Variants in LYPD1 observed in about 807,000 individuals in gnomAD.
LYPD1 encodes LY6/PLAUR domain containing 1.
A neutral mutation model predicts 14.2 loss-of-function variants in LYPD1; 14 were observed. The ratio of observed to expected loss-of-function variants is 0.99; its 90% CI spans 0.65 to 1.54. LYPD1 has a LOEUF of 1.54. Among genes scored for constraint, LYPD1 ranks in the 40% most tolerant of loss-of-function variants. The probability of loss-of-function intolerance (pLI) is 0.00; values close to 1 mark genes in which losing one functional copy is unlikely to be tolerated. For synonymous variants in LYPD1, 85 were observed against 70.6 expected (o/e 1.20, Z -1.02); for missense variants, 165 against 175.7 (o/e 0.94, Z 0.34).
Position 132,645,665 on chromosome 2 carries a change from T to A in LYPD1, c.*380A>T, listed in dbSNP as rs1573719791. The A allele has an allele frequency of 6.4e-7, 1 of 1,555,748 alleles. No homozygotes were observed. The highest frequency in any genetic ancestry group is 8.7e-7 in the Non-Finnish European group (1 of 1,153,026). On this transcript the variant is annotated 3_prime_UTR_variant, in exon 3 of 3. Coordinates refer to ENST00000397463, the MANE Select transcript of LYPD1 (RefSeq NM_144586.7). ...CCCTCCAGCCCTAAGAAAACGTCAC[T>A]CTCACTCTGCAGTCTCAAACTATGC...
chr2:132,669,498 G>A lies in LYPD1; in HGVS notation c.52+383C>T, dbSNP rs1683506177. Among the ~76,000 whole-genome samples the A allele has an allele frequency of 6.6e-6, 1 of 152,076 alleles. No homozygotes were observed. The highest frequency in any genetic ancestry group is 2.4e-5 in the African/African-American group (1 of 41,430). On this transcript the variant is annotated intron_variant, in intron 1 of 2. Coordinates refer to ENST00000397463, the MANE Select transcript of LYPD1 (RefSeq NM_144586.7). This position sits in a 1 kb window ranked among gnomAD's most constrained non-coding sequence, Gnocchi z 4.3. Reference sequence around the variant, plus strand: ...AGGCTGCCTCGCGCATCGCTCACCTGTCGGCGGCGCCACTCCCACGGGGTG... The same window carrying A: ...AGGCTGCCTCGCGCATCGCTCACCTATCGGCGGCGCCACTCCCACGGGGTG...
chr2:132,660,691 C>T (rs1475728797), intron 2 of LYPD1: 1 of 152,184 alleles, frequency 6.6e-6, no homozygotes, highest in Non-Finnish European at 1.5e-5. Context: ...AATATAGTCA[C>T]TTCTACCACC....
chr2:132,646,313 G>A (rs369194822), intron 2 of LYPD1, 33 bp from the exon 3 acceptor site: 109 of 1,377,854 alleles, frequency 7.9e-5, no homozygotes, highest in Admixed American at 1.1e-4. Flanking sequence ...CTGAGTTAAC[G>A]TGCACCGGCA....
chr2:132,662,223 A>G (rs1052103098), intron 2 of LYPD1, among the ~76,000 whole-genome samples: 2 of 152,098 alleles, frequency 1.3e-5, no homozygotes, highest in African/African-American at 4.8e-5. Context: ...GAATGGGGCA[A>G]CTCCTGGTGA....
At chr2:132,648,679 T>TAGTCAGAAACAATTTATCTTC (rs1682242036) in intron 2 of LYPD1, among the ~76,000 whole-genome samples, 1 of 152,228 alleles carries the variant, frequency 6.6e-6, no homozygotes, top group Admixed American at 6.5e-5. Context: ...CTCATGTCGT[T>TAGTCAGAAACAATTTATCTTC]AGTCAGAAAC....
intron 2 of LYPD1, among the ~76,000 whole-genome samples, chr2:132,665,232 C>T (rs1012336235): frequency 2.6e-5 from 4 of 152,190 alleles, no homozygotes; most frequent in African/African-American, 4.8e-5. Flanking sequence ...CAGACTTAGT[C>T]CAGAAAACTG....
chr2:132,643,426 C>CTTG lies in LYPD1; in HGVS notation c.*2618_*2619insCAA, dbSNP rs1681903297. Among the ~76,000 whole-genome samples the CTTG allele has an allele frequency of 6.6e-6, 1 of 152,148 alleles. No individual in the cohort carries two copies. The highest frequency in any genetic ancestry group is 2.1e-4 in the South Asian group (1 of 4,832). On this transcript the variant is annotated 3_prime_UTR_variant, in exon 3 of 3. Transcript: ENST00000397463. ...GGAGGATTTGAACACAGCTAGGGTCCCCTCCAACAGCAGGCAAGGAATACT... is the reference window on the plus strand; with the variant it reads ...GGAGGATTTGAACACAGCTAGGGTCCTTGCCTCCAACAGCAGGCAAGGAATACT...
intron 2 of LYPD1, among the ~76,000 whole-genome samples, chr2:132,656,373 T>TA (rs1240065098): frequency 1.4e-4 from 21 of 152,188 alleles, no homozygotes; most frequent in Admixed American, 1.4e-3. Flanking sequence ...ACACCATAGT[T>TA]ACGATTACAT....
At chr2:132,667,473 C>T (rs1457734242) in intron 2 of LYPD1, among the ~76,000 whole-genome samples, 1 of 152,176 alleles carries the variant, frequency 6.6e-6, no homozygotes, top group African/African-American at 2.4e-5. Flanking sequence ...AATCATATAA[C>T]AGTTCTAATC....
upstream of LYPD1, chr2:132,670,257 T>A: frequency 4.9e-6 from 2 of 406,916 alleles, no homozygotes; most frequent in South Asian, 2.9e-5. The surrounding 1 kb of genome is among the most constrained non-coding windows in gnomAD (Gnocchi z 4.5). Flanking sequence ...TCTCCCCACC[T>A]CCCACTCCAG....
chr2:132,645,397 G>T lies in LYPD1; in HGVS notation c.*648C>A, dbSNP rs368703441. On this transcript the variant is annotated 3_prime_UTR_variant, in exon 3 of 3. Coordinates refer to ENST00000397463, the MANE Select transcript of LYPD1 (RefSeq NM_144586.7). ...ACATGCGCACTCCACCACCGACAGC[G>T]CCCGCTTTGTGCAGCGCCCGTTGCT... 6.2e-7 allele frequency: 1 copy of T among 1,613,622 alleles called. No homozygotes were observed. The highest frequency in any genetic ancestry group is 1.1e-5 in the South Asian group (1 of 91,066).
In LYPD1 at chr2:132,655,471, G is replaced by T. The variant is rs572429303; in HGVS notation, c.191-9191C>A. 1.4e-5 allele frequency among the ~76,000 whole-genome samples: 2 copies of T among 147,580 alleles called. 1 individual carries two copies. Among genetic ancestry groups the T allele is most frequent in the South Asian group, 4.3e-4 (2 of 4,650 alleles). On this transcript the variant is annotated intron_variant, in intron 2 of 2. Transcript: ENST00000397463. The stretch of plus-strand genomic sequence containing the variant: ...TTGTCCCAGTTTGCACAGTGTCCTA[G>T]AACTTAATTCTAAAGCCATGATTCT...
chr2:132,663,654 T>C (rs1189967397), intron 2 of LYPD1, among the ~76,000 whole-genome samples: 2 of 152,212 alleles, frequency 1.3e-5, no homozygotes, highest in African/African-American at 4.8e-5. Context: ...TTTTGCACTT[T>C]ATTCATAGAG....
At chr2:132,652,916 G>A (rs1476694883) in intron 2 of LYPD1, among the ~76,000 whole-genome samples, 1 of 152,144 alleles carries the variant, frequency 6.6e-6, no homozygotes, top group Non-Finnish European at 1.5e-5. Flanking sequence ...GCATGCCAAG[G>A]AATGAAGGAA....
upstream of LYPD1, chr2:132,671,524 T>C (rs1455915827): frequency 2.0e-5 from 3 of 151,952 alleles, no homozygotes; most frequent in African/African-American, 4.9e-5. Context: ...TCGTTCCATA[T>C]CTGCCTCAGG....
intron 2 of LYPD1, among the ~76,000 whole-genome samples, chr2:132,652,192 A>G (rs1160255573): frequency 6.6e-6 from 1 of 152,200 alleles, no homozygotes; most frequent in African/African-American, 2.4e-5. Context: ...AATCGCTTCT[A>G]ATACACTACA....
intron 2 of LYPD1, among the ~76,000 whole-genome samples, chr2:132,661,939 C>G (rs1213866037): frequency 1.2e-5 from 1 of 86,140 alleles, no homozygotes; most frequent in Non-Finnish European, 2.2e-5. Context: ...GGCACCACAG[C>G]GGAAAAAAAA....
chr2:132,646,659 A>G (rs1682106129), intron 2 of LYPD1: 1 of 170,362 alleles, frequency 5.9e-6, no homozygotes, highest in Non-Finnish European at 1.2e-5. Flanking sequence ...GCCCACAAGC[A>G]GTGCTTCTAG....
chr2:132,657,453 T>A (rs1024323056), intron 2 of LYPD1, among the ~76,000 whole-genome samples: 6 of 152,188 alleles, frequency 3.9e-5, no homozygotes, highest in Non-Finnish European at 5.9e-5. Flanking sequence ...TCTCAAATGG[T>A]AAGATTAACA....
Sources: allele counts gnomAD v4.1 joint callset (sites outside exome capture counted in the v4.1 genomes callset), GRCh38; gene constraint gnomAD v4.1.1; non-coding constraint Gnocchi (gnomAD v3.1); transcripts MANE v1.5; gene names NCBI Gene and HGNC (gene_info 2026-07-23, HGNC 2026-07-21).